Variants in SLC35D4 observed in about 807,000 individuals in gnomAD.
SLC35D4 encodes the protein solute carrier family 35 member D4.
chr18:23,352,347 G>T, the SLC35D4 span: 1 of 1,376,106 alleles, frequency 7.3e-7, no homozygotes, highest in South Asian at 1.3e-5. Flanking sequence ...GCCAATGGCT[G>T]ACTAGTGTCT....
the SLC35D4 span, among the ~76,000 whole-genome samples, chr18:23,384,497 G>A: frequency 2.0e-5 from 3 of 152,182 alleles, no homozygotes; most frequent in Non-Finnish European, 4.4e-5. Flanking sequence ...TGTGTTCTTC[G>A]AAAAAGTCTT....
At chr18:23,393,434 T>C in the SLC35D4 span, among the ~76,000 whole-genome samples, 1 of 152,144 alleles carries the variant, frequency 6.6e-6, no homozygotes, top group Admixed American at 6.6e-5. Flanking sequence ...CCACCCCTGA[T>C]AGCCACCATA....
chr18:23,303,467 T>C, the SLC35D4 span, among the ~76,000 whole-genome samples: 1 of 152,240 alleles, frequency 6.6e-6, no homozygotes, highest in Non-Finnish European at 1.5e-5. Context: ...CTATTCCGAC[T>C]CAGCATTTCC....
chr18:23,284,124 T>C, the SLC35D4 span, among the ~76,000 whole-genome samples: 2 of 152,168 alleles, frequency 1.3e-5, no homozygotes, highest in African/African-American at 4.8e-5. Context: ...CAACCAAAGG[T>C]CACTTTCATT....
At chr18:23,248,981 G>C in the SLC35D4 span, among the ~76,000 whole-genome samples, 1 of 152,254 alleles carries the variant, frequency 6.6e-6, no homozygotes, top group African/African-American at 2.4e-5. Context: ...CTGGGACCAG[G>C]ACTCTGGCTT....
chr18:23,300,393 C>T, the SLC35D4 span, among the ~76,000 whole-genome samples: 7 of 152,122 alleles, frequency 4.6e-5, no homozygotes, highest in Admixed American at 6.5e-5. Context: ...ACCAGGGGCT[C>T]GGACATTTTA....
the SLC35D4 span, among the ~76,000 whole-genome samples, chr18:23,380,679 G>C: frequency 1.3e-5 from 2 of 152,088 alleles, no homozygotes; most frequent in African/African-American, 4.8e-5. Flanking sequence ...CTGAACAAAT[G>C]AATAAACAAA....
At chr18:23,272,840 C>T in the SLC35D4 span, among the ~76,000 whole-genome samples, 3 of 152,198 alleles carry the variant, frequency 2.0e-5, no homozygotes, top group Non-Finnish European at 2.9e-5. Context: ...AGACAGTTTG[C>T]TCTTGAAGCG....
chr18:23,299,794 C>T, the SLC35D4 span, among the ~76,000 whole-genome samples: 1 of 152,180 alleles, frequency 6.6e-6, no homozygotes, highest in Non-Finnish European at 1.5e-5. Flanking sequence ...ATGTCCCCCA[C>T]TTGGTTCACA....
the SLC35D4 span, among the ~76,000 whole-genome samples, chr18:23,406,339 G>C: frequency 6.6e-6 from 1 of 152,276 alleles, no homozygotes; most frequent in Admixed American, 6.5e-5. Context: ...ATGGGCGGCA[G>C]GGGGTGGGAA....
At chr18:23,362,233 C>T in the SLC35D4 span, among the ~76,000 whole-genome samples, 17 of 152,324 alleles carry the variant, frequency 1.1e-4, no homozygotes, top group Non-Finnish European at 1.8e-4. Context: ...ATCCCCCAAA[C>T]CAAAAGCAGC....
At chr18:23,297,089 A>C in the SLC35D4 span, 1 of 152,378 alleles carries the variant, frequency 6.6e-6, no homozygotes, top group Non-Finnish European at 1.5e-5. Context: ...AACATGAATG[A>C]AACAAAACAT....
chr18:23,335,456 A>C, the SLC35D4 span, among the ~76,000 whole-genome samples: 29 of 152,324 alleles, frequency 1.9e-4, no homozygotes, highest in African/African-American at 7.0e-4. Context: ...AGCAGAACTT[A>C]CTGTGCTCTT....
the SLC35D4 span, among the ~76,000 whole-genome samples, chr18:23,399,081 CA>C: frequency 6.6e-6 from 1 of 152,310 alleles, no homozygotes; most frequent in African/African-American, 2.4e-5. Flanking sequence ...GGTGGGAGGA[CA>C]AAACAGTCAG....
chr18:23,347,399 A>ATC, the SLC35D4 span, among the ~76,000 whole-genome samples: 106,959 of 149,018 alleles, frequency 0.72, 38,445 homozygotes, highest in Middle Eastern at 0.83. Context: ...GATAATTTGC[A>ATC]TCTCTCTCTC....
At chr18:23,242,227 G>A in the SLC35D4 span, among the ~76,000 whole-genome samples, 1 of 152,148 alleles carries the variant, frequency 6.6e-6, no homozygotes, top group Non-Finnish European at 1.5e-5. Flanking sequence ...GCAGTGAGCT[G>A]AGATCACACT....
At chr18:23,426,912 TG>T in the SLC35D4 span, among the ~76,000 whole-genome samples, 1 of 152,126 alleles carries the variant, frequency 6.6e-6, no homozygotes. Context: ...AAACAAGAAA[TG>T]GGGAAAGGAT....
chr18:23,274,881 T>A, the SLC35D4 span, among the ~76,000 whole-genome samples: 1 of 152,070 alleles, frequency 6.6e-6, no homozygotes, highest in African/African-American at 2.4e-5. Flanking sequence ...GAAACACAAG[T>A]CCCTGCGGCA....
the SLC35D4 span, among the ~76,000 whole-genome samples, chr18:23,353,076 A>AGAGTGTGTGTGTGTGTGTGT: frequency 1.6e-5 from 2 of 126,524 alleles, no homozygotes; most frequent in Non-Finnish European, 3.3e-5. Flanking sequence ...TGAGACAGAC[A>AGAGTGTGTGTGTGTGTGTGT]GTGTGTGTGT....
Sources: allele counts gnomAD v4.1 joint callset (sites outside exome capture counted in the v4.1 genomes callset), GRCh38; gene constraint gnomAD v4.1.1; transcripts MANE v1.5; gene names NCBI Gene and HGNC (gene_info 2026-07-23, HGNC 2026-07-21).